The following ANOS1 variants were observed in gnomAD, a reference collection of about 807,000 sequenced individuals.
ANOS1 encodes anosmin 1.
In ANOS1, 6 loss-of-function variants were observed where a neutral mutation model predicts 59.0. That is an observed-to-expected ratio of 0.10 (90% CI 0.06 to 0.20). ANOS1 has a LOEUF of 0.20. ANOS1 is among the 10% of genes least tolerant of loss of function. The probability of loss-of-function intolerance (pLI) is 1.00; values close to 1 mark genes in which losing one functional copy is unlikely to be tolerated. For synonymous variants in ANOS1, 217 were observed against 223.4 expected (o/e 0.97, Z 0.25); for missense variants, 433 against 542.3 (o/e 0.80, Z 2.00).
At chrX:8,594,971 C>T (rs1290693175) in intron 4 of ANOS1, among the ~76,000 whole-genome samples, 1 of 107,305 alleles carries the variant, frequency 9.3e-6, no homozygotes, top group African/African-American at 3.4e-5. Flanking sequence ...TTTCGTTAAA[C>T]GTAGTTTTAC....
intron 2 of ANOS1, among the ~76,000 whole-genome samples, chrX:8,697,893 A>T (rs748291756): frequency 7.9e-4 from 88 of 111,917 alleles, no homozygotes; most frequent in Non-Finnish European, 1.5e-3. Flanking sequence ...TGACTATGTG[A>T]CTACGGATTA....
chrX:8,697,661 A>G (rs896717800), intron 2 of ANOS1, among the ~76,000 whole-genome samples: 4 of 112,206 alleles, frequency 3.6e-5, no homozygotes, highest in African/African-American at 1.3e-4. Flanking sequence ...TAATCTTTTA[A>G]AATACATCAT....
At chrX:8,609,175 G>GATGC (rs1285783386) in intron 3 of ANOS1, among the ~76,000 whole-genome samples, 1 of 111,671 alleles carries the variant, frequency 9.0e-6, no homozygotes, top group Non-Finnish European at 1.9e-5. Flanking sequence ...GACCAAAATG[G>GATGC]ATGCCCCTTT....
At chrX:8,590,622 T>C (rs1435152355) in intron 4 of ANOS1, among the ~76,000 whole-genome samples, 2 of 112,101 alleles carry the variant, frequency 1.8e-5, no homozygotes, top group African/African-American at 6.5e-5. Flanking sequence ...TCAAAAACCA[T>C]GTCTCCTTCA....
intron 6 of ANOS1, among the ~76,000 whole-genome samples, chrX:8,577,513 G>A (rs1212047870): frequency 8.9e-6 from 1 of 112,250 alleles, no homozygotes; most frequent in Non-Finnish European, 1.9e-5. Flanking sequence ...AAATAGGAAG[G>A]CTGTATTAGC....
At chrX:8,690,982 C>A (rs1332134757) in intron 2 of ANOS1, among the ~76,000 whole-genome samples, 3 of 111,538 alleles carry the variant, frequency 2.7e-5, no homozygotes, top group African/African-American at 9.8e-5. Flanking sequence ...GCAGGCTCCC[C>A]ACAGATAGGT....
chrX:8,641,753 T>C (rs1931668726), intron 2 of ANOS1, among the ~76,000 whole-genome samples: 4 of 112,235 alleles, frequency 3.6e-5, no homozygotes, highest in Admixed American at 1.9e-4. Flanking sequence ...GTGTGGTGTT[T>C]AGGTAGTCTG....
chrX:8,529,969 A>G lies in ANOS1; in HGVS notation c.*3026T>C, dbSNP rs1601942631. 8.9e-6 allele frequency: 1 copy of G among 112,014 alleles called. No individual in the cohort carries two copies. The highest frequency in any genetic ancestry group is 3.7e-4 in the South Asian group (1 of 2,681). The allele number at this position is 112,014 out of a possible 1,213,427, so 9.2% of individuals were successfully genotyped here. A position where few individuals can be genotyped will look rare whatever the true frequency, so the allele number is the denominator to read the frequency against. On this transcript the variant is annotated 3_prime_UTR_variant, in exon 14 of 14. Transcript: ENST00000262648. ...GATGAACCTCTGTATACAGTCGGCT[A>G]TGTATCTAAGGTTTTCAGGACACAG...
chrX:8,535,579 G>C lies in ANOS1; in HGVS notation c.1842+12C>G. 2.6e-6 allele frequency: 3 copies of C among 1,164,095 alleles called. No homozygotes were observed. The highest frequency in any genetic ancestry group is 3.6e-5 in the South Asian group (2 of 55,798). On this transcript the variant is annotated intron_variant, in intron 12 of 13. Coordinates refer to ENST00000262648, the MANE Select transcript of ANOS1 (RefSeq NM_000216.4). ...CCAATGACACAGACATAGTACAAGAGGTGGGACCTACGGAAGGCAGGATCT... is the reference window on the plus strand; with the variant it reads ...CCAATGACACAGACATAGTACAAGACGTGGGACCTACGGAAGGCAGGATCT...
intron 2 of ANOS1, among the ~76,000 whole-genome samples, chrX:8,684,426 C>T (rs1014345689): frequency 3.6e-5 from 4 of 111,021 alleles, no homozygotes; most frequent in African/African-American, 1.3e-4. Context: ...GCTTGCCGGC[C>T]GTAATGTGAA....
rs552789658 is a variant in ANOS1 at position 8,680,322 on chromosome X, T to G, written c.255+19376A>C. ...TGGTAAATTTTATGTTTTGTGTGTG[T>G]GTGTATGGTGTGATTTTTTTACCAC... On this transcript the variant is annotated intron_variant, in intron 2 of 13. Transcript: ENST00000262648. Among the ~76,000 whole-genome samples, 35 of 109,604 alleles carry G rather than the reference T, an allele frequency of 3.2e-4. No homozygotes were observed. In the South Asian group the frequency reaches 0.014, roughly 43 times the overall value.
intron 8 of ANOS1, chrX:8,566,068 C>T (rs1235040662): frequency 2.7e-6 from 2 of 753,205 alleles, no homozygotes. Flanking sequence ...CACTCATCCA[C>T]GCTGCTGCGT....
chrX:8,726,965 A>C (rs192440730), intron 1 of ANOS1, among the ~76,000 whole-genome samples: 168 of 112,041 alleles, frequency 1.5e-3, no homozygotes, highest in African/African-American at 4.4e-3. Context: ...CCCTATGAGG[A>C]ACCGCCACTC....
chrX:8,665,543 TC>T (rs1164898556), intron 2 of ANOS1, among the ~76,000 whole-genome samples: 1 of 112,483 alleles, frequency 8.9e-6, no homozygotes, highest in Non-Finnish European at 1.9e-5. Context: ...CTATTTCCAT[TC>T]TTTACGTATT....
chrX:8,660,060 C>A (rs1033859528), intron 2 of ANOS1, among the ~76,000 whole-genome samples: 1 of 111,995 alleles, frequency 8.9e-6, no homozygotes, highest in African/African-American at 3.2e-5. Context: ...TCATGGAAAA[C>A]ATGAACAAGA....
chrX:8,591,012 C>T (rs138837073), intron 4 of ANOS1, among the ~76,000 whole-genome samples: 3 of 111,566 alleles, frequency 2.7e-5, no homozygotes, highest in African/African-American at 6.5e-5. Flanking sequence ...CAAGATAGAA[C>T]GTTTTTATTA....
In ANOS1 at chrX:8,693,186, G is replaced by A. The variant is rs183229908; in HGVS notation, c.255+6512C>T. Among the ~76,000 whole-genome samples, 5 of 112,525 alleles carry A rather than the reference G, an allele frequency of 4.4e-5. No homozygotes were observed. In the East Asian group the frequency reaches 1.4e-3, roughly 32 times the overall value. On this transcript the variant is annotated intron_variant, in intron 2 of 13. Transcript: ENST00000262648. The stretch of plus-strand genomic sequence containing the variant: ...TAAGAATAAGCATTTCCTCTGAGCT[G>A]GAGGCTGTCTTTGGCTGGATATATC...
At chrX:8,576,734 G>T (rs2146811474) in intron 6 of ANOS1, among the ~76,000 whole-genome samples, 1 of 110,810 alleles carries the variant, frequency 9.0e-6, no homozygotes, top group East Asian at 2.8e-4. Flanking sequence ...AGAACAAAAA[G>T]GAAAGGAGAA....
intron 8 of ANOS1, among the ~76,000 whole-genome samples, chrX:8,561,466 ATTTTTTTT>A (rs34119310): frequency 3.9e-4 from 26 of 67,030 alleles, no homozygotes; most frequent in African/African-American, 8.0e-4. Context: ...TGCCCGGCTA[ATTTTTTTT>A]TTTTTTTTTT....
Sources: gnomAD v4.1 joint callset for allele counts (sites outside exome capture counted in the v4.1 genomes callset) on GRCh38, gnomAD v4.1.1 for gene constraint, MANE v1.5 for transcripts, NCBI Gene and HGNC (gene_info 2026-07-23, HGNC 2026-07-21) for gene names.